The following MCM5 variants were observed in gnomAD, a reference collection of about 807,000 sequenced individuals.
MCM5 encodes DNA replication licensing factor MCM5.
In MCM5, 46 loss-of-function variants were observed where a neutral mutation model predicts 79.9. That is an observed-to-expected ratio of 0.58 (90% CI 0.45 to 0.74). The LOEUF is 0.74. MCM5 is among the 30% of genes least tolerant of loss of function. The pLI, the probability that MCM5 is intolerant of heterozygous loss-of-function variation, is 0.00. For missense variants in MCM5, 883 were observed against 1,017.0 expected, an observed-to-expected ratio of 0.87 and a Z score of 1.79; for synonymous variants, 404 against 390.5, an observed-to-expected ratio of 1.03 and a Z score of -0.41.
intron 4 of MCM5, among the ~76,000 whole-genome samples, chr22:35,404,270 C>CT (rs1380933853): frequency 1.3e-5 from 2 of 152,204 alleles, no homozygotes; most frequent in Non-Finnish European, 2.9e-5. Context: ...TCACATGACT[C>CT]TTACAGCTCG....
chr22:35,414,084 C>T (rs999413199), intron 9 of MCM5, 98 bp downstream of exon 9: 12 of 720,350 alleles, frequency 1.7e-5, no homozygotes, highest in Non-Finnish European at 2.9e-5. Context: ...TGGGCTGGCT[C>T]ACCCGGAATC....
intron 4 of MCM5, among the ~76,000 whole-genome samples, chr22:35,406,303 C>CCG (rs1555903432): frequency 1.4e-5 from 2 of 143,132 alleles, no homozygotes; most frequent in African/African-American, 2.6e-5. Context: ...GCCACCTCCC[C>CCG]CCCCAATTGT....
Position 35,406,291 on chromosome 22 carries a change from C to G in MCM5, c.424-262C>G, listed in dbSNP as rs1932208695. On this transcript the variant is annotated intron_variant, in intron 4 of 16. Coordinates refer to ENST00000216122, the MANE Select transcript of MCM5 (RefSeq NM_006739.4). ...AAATGTGCTTAGTGTATCTCTTGCC[C>G]TGCCACCTCCCCCCCCAATTGTGCT... Among the ~76,000 whole-genome samples, 3 of 105,790 alleles carry G rather than the reference C, an allele frequency of 2.8e-5. No homozygotes were observed. The Admixed American group carries it at 2.8e-4, about 10-fold the overall frequency. The allele number at this position is 105,790 out of a possible 152,430, so 69.4% of individuals were successfully genotyped here.
chr22:35,411,160 G>T (rs1385720550), intron 7 of MCM5: 5 of 327,262 alleles, frequency 1.5e-5, no homozygotes, highest in Non-Finnish European at 2.8e-5. Context: ...AAATCACTGG[G>T]GAATTACTGA....
At chr22:35,418,558 G>C (rs1932607951) in intron 13 of MCM5, among the ~76,000 whole-genome samples, 1 of 151,990 alleles carries the variant, frequency 6.6e-6, no homozygotes, top group Non-Finnish European at 1.5e-5. Flanking sequence ...TACTCAGGAG[G>C]CTGAGGCAGG....
At position 35,421,329 on chromosome 22, in the gene MCM5, C is replaced by T; in HGVS notation, c.1844C>T (p.Ala615Val). Reference protein sequence around the residue: ...SIPITVRQLEAIVRIAEALSK... With the variant: ...SIPITVRQLEVIVRIAEALSK... ...TGTTGCCCCCACAGGCAGCTGGAGG[C>T]CATTGTGCGCATCGCGGAAGCCCTC... The change falls in exon 15 of 17, where the codon GCC becomes GTC. Residue 615 changes from alanine (A) to valine (V), a missense_variant. Ala to Val is a moderately conservative substitution (Grantham distance 64, BLOSUM62 0). Around this residue, in one of 3 missense-constraint regions of MCM5, gnomAD observed 426 missense variants for 482.3 expected, o/e 0.88. Coordinates refer to ENST00000216122, the MANE Select transcript of MCM5 (RefSeq NM_006739.4). 1 of 1,613,192 alleles carries T rather than the reference C, an allele frequency of 6.2e-7. No individual in the cohort carries two copies. The highest frequency in any genetic ancestry group is 8.5e-7 in the Non-Finnish European group (1 of 1,179,844).
intron 2 of MCM5, chr22:35,401,287 C>G (rs1932041219): frequency 2.4e-6 from 1 of 419,014 alleles, no homozygotes; most frequent in African/African-American, 2.1e-5. Context: ...TGAGACCTTA[C>G]AAACTCAAGT....
chr22:35,453,425 C>CAGAG, the MCM5 span, among the ~76,000 whole-genome samples: 1 of 127,244 alleles, frequency 7.9e-6, no homozygotes, highest in African/African-American at 3.3e-5. Flanking sequence ...TTCAGAGAGA[C>CAGAG]ACAGAGACAG....
the MCM5 span, among the ~76,000 whole-genome samples, chr22:35,439,724 T>C: frequency 0.79 from 119,917 of 151,706 alleles, 47,965 homozygotes; most frequent in African/African-American, 0.88. Flanking sequence ...TTCTAATGCT[T>C]CCTCTATCAC....
intron 10 of MCM5, 36 bp downstream of exon 10, chr22:35,416,008 G>A (rs750638818): frequency 6.3e-7 from 1 of 1,599,196 alleles, no homozygotes. Flanking sequence ...CCAAAAGGTG[G>A]GTGGCACCAG....
chr22:35,415,216 GA>G (rs1932507469), intron 9 of MCM5, among the ~76,000 whole-genome samples: 1 of 151,692 alleles, frequency 6.6e-6, no homozygotes, highest in South Asian at 2.1e-4. Flanking sequence ...GAAGGGGAAA[GA>G]AAAAAGGAAA....
At chr22:35,420,161 A>T in intron 14 of MCM5, 149 bp downstream of exon 14, 2 of 864,192 alleles carry the variant, frequency 2.3e-6, no homozygotes, top group Middle Eastern at 3.8e-4. Flanking sequence ...TGGAGCATAA[A>T]CTATGGCCTC....
chr22:35,441,392 C>T, the MCM5 span, among the ~76,000 whole-genome samples: 1 of 152,202 alleles, frequency 6.6e-6, no homozygotes, highest in Non-Finnish European at 1.5e-5. Flanking sequence ...GTTTGGGGAC[C>T]AGAACAGCAG....
In MCM5 at chr22:35,417,782, A is replaced by C. The variant is rs777942588; in HGVS notation, c.1629A>C (p.Ala543=). 1.7e-5 allele frequency: 27 copies of C among 1,614,022 alleles called. No individual in the cohort carries two copies. The highest frequency in any genetic ancestry group is 3.3e-5 in the Admixed American group (2 of 60,006). The part of the protein sequence containing the change: ...AKHVITLHVS[A]LTQTQAVEGE... The stretch of plus-strand genomic sequence containing the variant: ...ATGTCATCACTCTGCACGTGAGCGC[A>C]CTGACACAGACACAGGCTGTGGAGG... Residue 543 remains alanine, a synonymous_variant, in exon 13 of 17, where the codon GCA becomes GCC. Transcript: ENST00000216122.
At position 35,424,211 on chromosome 22, in the gene MCM5, A is replaced by G; in HGVS notation, c.2161A>G (p.Ile721Val). ...GCAGCTCATGCTGCGGCGCGGCGAG[A>G]TCCAGCATCGCATGCAGCGCAAGGT... ...VLQLMLRRGEIQHRMQRKVLY... is the reference protein window; with the variant it reads ...VLQLMLRRGEVQHRMQRKVLY... Residue 721 changes from isoleucine (I) to valine (V), a missense_variant, in exon 17 of 17, where the codon ATC becomes GTC. By Grantham distance (29) the Ile-to-Val change is conservative. Around this residue, in one of 3 missense-constraint regions of MCM5, gnomAD observed 426 missense variants for 482.3 expected, o/e 0.88. Coordinates refer to ENST00000216122, the MANE Select transcript of MCM5 (RefSeq NM_006739.4). The G allele has an allele frequency of 1.3e-6, 2 of 1,553,392 alleles. No homozygotes were observed. Among genetic ancestry groups the G allele is most frequent in the Non-Finnish European group, 1.7e-6 (2 of 1,148,060 alleles).
In MCM5 at chr22:35,400,228, G is replaced by A; in HGVS notation, c.-9+20G>A. 1.7e-6 allele frequency: 1 copy of A among 592,488 alleles called. No homozygotes were observed. Among genetic ancestry groups the A allele is most frequent in the African/African-American group, 1.9e-5 (1 of 53,756 alleles). The allele number at this position is 592,488 out of a possible 1,614,324, so 36.7% of individuals were successfully genotyped here. A position where few individuals can be genotyped will look rare whatever the true frequency, so the allele number is the denominator to read the frequency against. On this transcript the variant is annotated intron_variant, in intron 1 of 16. Transcript: ENST00000216122. ...CCAGAGGTGAGGCTAGTGGGAGTGG[G>A]ACTGGGACTGGGAGCCAGCAGGCAT...
chr22:35,416,950 TGA>T lies in MCM5; in HGVS notation c.1590+140_1590+141del. On this transcript the variant is annotated intron_variant, in intron 12 of 16. Coordinates refer to ENST00000216122, the MANE Select transcript of MCM5 (RefSeq NM_006739.4). ...TCAGGCTGTGAAATTGGGGAGCACG[TGA>T]GAGGGCGGTTGTTGTGGACTGCAGA... is the stretch of plus-strand genomic sequence containing the variant. 8.3e-6 allele frequency: 8 copies of T among 963,860 alleles called. No homozygotes were observed. The South Asian group carries it at 9.2e-5, about 11-fold the overall frequency. 59.7% of individuals were successfully genotyped at this position (963,860 alleles called of 1,614,324 possible). A position where few individuals can be genotyped will look rare whatever the true frequency, so the allele number is the denominator to read the frequency against.
chr22:35,448,254 A>G, the MCM5 span, among the ~76,000 whole-genome samples: 2 of 152,328 alleles, frequency 1.3e-5, no homozygotes, highest in East Asian at 3.9e-4. Flanking sequence ...GAAGAGAGCT[A>G]TGTGGAGAGC....
intron 16 of MCM5, chr22:35,423,682 G>C: frequency 4.6e-6 from 1 of 217,456 alleles, no homozygotes; most frequent in East Asian, 1.0e-4. Context: ...GCAGAGCCAT[G>C]AGAGTGAGCT....
Sources: gnomAD v4.1 joint callset for allele counts (sites outside exome capture counted in the v4.1 genomes callset) on GRCh38, gnomAD v4.1.1 for gene constraint, gnomAD v4.1.1 regional missense constraint, MANE v1.5 for transcripts, NCBI Gene and HGNC (gene_info 2026-07-23, HGNC 2026-07-21) for gene names.